Variants in EPG5 observed in about 807,000 individuals in gnomAD.
The protein encoded by EPG5 is ectopic P granules protein 5 homolog.
A neutral mutation model predicts 302.7 loss-of-function variants in EPG5; 159 were observed. The observed-to-expected ratio is 0.53, with a 90% CI of 0.46 to 0.60. EPG5 has a LOEUF of 0.60. EPG5 is among the 20% of genes least tolerant of loss of function. The pLI is 0.00. For missense variants in EPG5, 2,896 were observed against 3,092.4 expected (o/e 0.94, Z 1.51); for synonymous variants, 1,158 against 1,136.8 (o/e 1.02, Z -0.37).
intron 36 of EPG5, among the ~76,000 whole-genome samples, chr18:45,868,850 T>C (rs1326779333): frequency 1.3e-5 from 2 of 151,474 alleles, no homozygotes; most frequent in African/African-American, 2.4e-5. Context: ...GATCAGGAGA[T>C]TGAGACCATC....
intron 42 of EPG5, 34 bp downstream of exon 42, chr18:45,857,819 T>A (rs1456169019): frequency 6.3e-7 from 1 of 1,588,906 alleles, no homozygotes; most frequent in African/African-American, 1.3e-5. Flanking sequence ...TGAGGCCTAT[T>A]TAGAACAACA....
the EPG5 span, among the ~76,000 whole-genome samples, chr18:45,821,988 A>G: frequency 1.7e-4 from 26 of 152,354 alleles, no homozygotes; most frequent in Middle Eastern, 3.4e-3. Context: ...AGAGAACAAT[A>G]TGGAGGTTCC....
chr18:45,964,766 G>A (rs1009565887), intron 1 of EPG5, among the ~76,000 whole-genome samples: 81 of 152,204 alleles, frequency 5.3e-4, no homozygotes, highest in Middle Eastern at 3.4e-3. Flanking sequence ...TCTGGAGTTC[G>A]AGACCAGCCT....
the EPG5 span, among the ~76,000 whole-genome samples, chr18:45,812,907 A>G: frequency 6.6e-6 from 1 of 152,238 alleles, no homozygotes; most frequent in African/African-American, 2.4e-5. Flanking sequence ...ACAAAAGCCA[A>G]AATTGACAAG....
At chr18:45,914,379 TGAGAGGTGGG>T (rs1445755424) in intron 20 of EPG5, among the ~76,000 whole-genome samples, 7 of 152,100 alleles carry the variant, frequency 4.6e-5, no homozygotes, top group Non-Finnish European at 8.8e-5. Flanking sequence ...GCTCAATCCA[TGAGAGGTGGG>T]AAGAAGAGCA....
Position 45,956,726 on chromosome 18 carries a change from G to A in EPG5, c.64-1388C>T, listed in dbSNP as rs138740562. Among the ~76,000 whole-genome samples, 798 of 152,096 alleles carry A rather than the reference G, an allele frequency of 5.2e-3. 6 individuals are homozygous for A. The highest frequency in any genetic ancestry group is 0.018 in the African/African-American group (742 of 41,500). The stretch of plus-strand genomic sequence containing the variant: ...GGGATTAACAGGCGTGAGCCACCGC[G>A]CCTGGCCAATTCCTTAGTTTTAATC... On this transcript the variant is annotated intron_variant, in intron 1 of 43. Coordinates refer to ENST00000282041, the MANE Select transcript of EPG5 (RefSeq NM_020964.3).
At chr18:45,818,085 T>C in the EPG5 span, among the ~76,000 whole-genome samples, 1 of 152,180 alleles carries the variant, frequency 6.6e-6, no homozygotes, top group East Asian at 1.9e-4. Context: ...CATTCAATAT[T>C]ATCTTGAGAA....
chr18:45,802,849 T>G, the EPG5 span, among the ~76,000 whole-genome samples: 105,331 of 152,132 alleles, frequency 0.69, 36,930 homozygotes, highest in East Asian at 0.92. Flanking sequence ...CTTTCCCAAA[T>G]CAGGGTCAAT....
intron 1 of EPG5, among the ~76,000 whole-genome samples, chr18:45,962,976 C>T (rs752562722): frequency 6.6e-6 from 1 of 152,112 alleles, no homozygotes; most frequent in African/African-American, 2.4e-5. Context: ...TCATACTAGT[C>T]AGAGGAAATT....
downstream of EPG5, among the ~76,000 whole-genome samples, chr18:45,846,790 C>T (rs2048368577): frequency 6.6e-6 from 1 of 152,114 alleles, no homozygotes; most frequent in Non-Finnish European, 1.5e-5. Flanking sequence ...AGAGCAGCCC[C>T]GAGGGCTGCT....
At chr18:45,853,831 T>C (rs2048462391) in intron 43 of EPG5, among the ~76,000 whole-genome samples, 1 of 152,244 alleles carries the variant, frequency 6.6e-6, no homozygotes, top group Non-Finnish European at 1.5e-5. Context: ...GGCATTCCCA[T>C]GAATCACAGT....
intron 2 of EPG5, chr18:45,953,244 G>C (rs919967103): frequency 1.0e-6 from 1 of 961,988 alleles, no homozygotes; most frequent in Non-Finnish European, 1.2e-6. Flanking sequence ...TTTCATGATT[G>C]ATGATCTTAC....
chr18:45,929,042 T>C (rs1568163990), intron 12 of EPG5, 33 bp from the exon 13 acceptor site: 2 of 1,603,004 alleles, frequency 1.2e-6, no homozygotes, highest in Non-Finnish European at 8.5e-7. Context: ...AAGATGGCAC[T>C]TTTAATATCA....
chr18:45,948,985 A>T (rs1313338380), intron 5 of EPG5, among the ~76,000 whole-genome samples: 1 of 152,218 alleles, frequency 6.6e-6, no homozygotes, highest in Non-Finnish European at 1.5e-5. Flanking sequence ...AGTGGTTGCT[A>T]TGAGTAACAA....
chr18:45,870,638 G>A lies in EPG5; in HGVS notation c.6154C>T (p.His2052Tyr), dbSNP rs1280478698. ...CATGGCAGTTTCCGGTACGTGCTAT[G>A]GAAAGCGTACAGAATGAACTCTGGC... ...KMPEFILYAF[H>Y]STYRKLPWKD... Residue 2052 changes from histidine (H) to tyrosine (Y), a missense_variant, in exon 36 of 44, where the codon CAT (histidine) becomes TAT (tyrosine). His to Tyr is a moderately conservative substitution (Grantham distance 83). This residue lies in a region of EPG5 where 620 missense variants were observed against 704.2 expected (regional missense o/e 0.88). Coordinates refer to ENST00000282041, the MANE Select transcript of EPG5 (RefSeq NM_020964.3). The A allele has an allele frequency of 1.2e-6, 2 of 1,613,962 alleles. No individual in the cohort carries two copies. The highest frequency in any genetic ancestry group is 1.7e-6 in the Non-Finnish European group (2 of 1,179,994).
In EPG5 at chr18:45,895,306, G is replaced by A. The variant is rs114519055; in HGVS notation, c.4809+4098C>T. 5.7e-3 allele frequency among the ~76,000 whole-genome samples: 874 copies of A among 152,260 alleles called. 17 individuals are homozygous for A. Among genetic ancestry groups the A allele is most frequent in the African/African-American group, 0.02 (842 of 41,540 alleles). ...TTGTGGAACATTCAGGTAGAATGAGGCAGGTGGAAATCTAGATTTGGAACT... is the reference window on the plus strand; with the variant it reads ...TTGTGGAACATTCAGGTAGAATGAGACAGGTGGAAATCTAGATTTGGAACT... On this transcript the variant is annotated intron_variant, in intron 27 of 43. Transcript: ENST00000282041.
intron 23 of EPG5, among the ~76,000 whole-genome samples, chr18:45,908,836 C>T (rs2049821912): frequency 6.6e-6 from 1 of 151,906 alleles, no homozygotes; most frequent in South Asian, 2.1e-4. Context: ...GTAATCCCAG[C>T]TACTCAGGAG....
chr18:45,962,095 T>G (rs1450517125), intron 1 of EPG5, among the ~76,000 whole-genome samples: 1 of 152,202 alleles, frequency 6.6e-6, no homozygotes, highest in Non-Finnish European at 1.5e-5. Flanking sequence ...CCCAAGTGCC[T>G]AGAATAGTTT....
rs11333207 is a variant in EPG5 at position 45,865,765 on chromosome 18, CAAA to C, written c.6622-9_6622-7del. The C allele has an allele frequency of 1.9e-3, 2,599 of 1,391,886 alleles. No individual in the cohort carries two copies. Among genetic ancestry groups the C allele is most frequent in the Admixed American group, 6.0e-3 (248 of 41,676 alleles). 86.2% of individuals were successfully genotyped at this position (1,391,886 alleles called of 1,614,324 possible). ...TGGCATTTTGGAACTGCATCCTGAC[CAAA>C]AAAAAAAAAAAAAATCATTCAAATG... is the stretch of plus-strand genomic sequence containing the variant. On this transcript the variant is annotated splice_region_variant and splice_polypyrimidine_tract_variant and intron_variant, in intron 38 of 43. Transcript: ENST00000282041.
Sources: allele counts gnomAD v4.1 joint callset (sites outside exome capture counted in the v4.1 genomes callset), GRCh38; gene constraint gnomAD v4.1.1; regional missense constraint gnomAD v4.1.1; transcripts MANE v1.5; gene names NCBI Gene and HGNC (gene_info 2026-07-23, HGNC 2026-07-21).